The following MYO16 variants were observed in gnomAD, a reference collection of about 807,000 sequenced individuals.
MYO16 encodes the protein myosin XVI, also known as unconventional myosin-XVI.
Under a neutral mutation model 205.3 loss-of-function variants are expected in MYO16, and 94 were observed. That is an observed-to-expected ratio of 0.46 (90% CI 0.39 to 0.54). The LOEUF (loss-of-function observed/expected upper bound fraction) is 0.54, where lower values mean the gene tolerates loss of function less well. Ranked by LOEUF, MYO16 falls within the 20% of genes least tolerant of loss-of-function variation. MYO16 has a pLI of 0.00. For synonymous variants in MYO16, 988 were observed against 954.0 expected (o/e 1.04, Z -0.66); for missense variants, 2,315 against 2,387.5 (o/e 0.97, Z 0.63).
At position 109,048,251 on chromosome 13, in the gene MYO16, C is replaced by A. The variant is rs1594500743; in HGVS notation, c.2872+1260C>A. ...TAGTCTGCTTATCTTAATAGAGTCC[C>A]TGTATTTTAAAATCATTCTTTTATG... On this transcript the variant is annotated intron_variant, in intron 24 of 34. Transcript: ENST00000457511. 4 of 637,318 alleles carry A rather than the reference C, an allele frequency of 6.3e-6. No homozygotes were observed. In the East Asian group the frequency reaches 1.1e-4, roughly 18 times the overall value. The allele number at this position is 637,318 out of a possible 1,614,324, so 39.5% of individuals were successfully genotyped here.
chr13:109,047,904 T>C (rs1887098365), intron 24 of MYO16, among the ~76,000 whole-genome samples: 2 of 152,118 alleles, frequency 1.3e-5, no homozygotes, highest in African/African-American at 4.8e-5. Flanking sequence ...ATTATTCTGC[T>C]TGCTTCTCAG....
intron 28 of MYO16, among the ~76,000 whole-genome samples, chr13:109,106,740 G>C (rs1287914995): frequency 6.6e-6 from 1 of 152,178 alleles, no homozygotes; most frequent in Non-Finnish European, 1.5e-5. Flanking sequence ...TGGGAGAGTC[G>C]AGAGGGGCAC....
chr13:108,905,788 C>T (rs1269112030), intron 15 of MYO16, among the ~76,000 whole-genome samples: 1 of 150,914 alleles, frequency 6.6e-6, no homozygotes, highest in Non-Finnish European at 1.5e-5. Flanking sequence ...AAACTTTCCT[C>T]AAGAGCTTAC....
chr13:108,516,246 C>T, the MYO16 span, among the ~76,000 whole-genome samples: 99 of 151,592 alleles, frequency 6.5e-4, 1 homozygote, highest in Admixed American at 6.0e-3. Flanking sequence ...TTTCCAGGCG[C>T]GTCCGTCACC....
intron 14 of MYO16, among the ~76,000 whole-genome samples, chr13:108,890,352 A>G (rs577915684): frequency 6.6e-6 from 1 of 152,224 alleles, no homozygotes; most frequent in South Asian, 2.1e-4. Flanking sequence ...TCATCTTCTC[A>G]CATGGCATTA....
intron 15 of MYO16, among the ~76,000 whole-genome samples, chr13:108,909,216 G>A (rs9521093): frequency 0.54 from 81,982 of 151,606 alleles, 22,790 homozygotes; most frequent in East Asian, 0.71. Context: ...TCTTTTTGGC[G>A]TTGTTGATCA....
the MYO16 span, among the ~76,000 whole-genome samples, chr13:108,579,057 G>T: frequency 3.3e-5 from 5 of 152,096 alleles, no homozygotes; most frequent in Non-Finnish European, 5.9e-5. Flanking sequence ...TTTGAAAGGG[G>T]TTAATAATAT....
intron 11 of MYO16, among the ~76,000 whole-genome samples, chr13:108,864,396 T>C (rs1878602481): frequency 6.6e-6 from 1 of 152,200 alleles, no homozygotes; most frequent in African/African-American, 2.4e-5. Flanking sequence ...TGCAGATATA[T>C]TGTAAAATTT....
At chr13:108,549,553 G>A in the MYO16 span, among the ~76,000 whole-genome samples, 1 of 152,046 alleles carries the variant, frequency 6.6e-6, no homozygotes, top group African/African-American at 2.4e-5. Flanking sequence ...AACATAAATA[G>A]AGTAAGGAGT....
At chr13:108,760,087 C>T (rs1885555951) in intron 4 of MYO16, among the ~76,000 whole-genome samples, 1 of 152,126 alleles carries the variant, frequency 6.6e-6, no homozygotes, top group African/African-American at 2.4e-5. Flanking sequence ...TCTTTTCTAG[C>T]TATTTTGAAA....
At chr13:108,996,465 T>C (rs1054872544) in intron 21 of MYO16, among the ~76,000 whole-genome samples, 1 of 152,046 alleles carries the variant, frequency 6.6e-6, no homozygotes, top group African/African-American at 2.4e-5. Context: ...TTGATGAAAT[T>C]TTTAAAAATT....
At chr13:108,504,678 G>A in the MYO16 span, among the ~76,000 whole-genome samples, 3 of 151,906 alleles carry the variant, frequency 2.0e-5, no homozygotes, top group Non-Finnish European at 2.9e-5. Flanking sequence ...TGGGACTACC[G>A]GCACACACCA....
chr13:108,634,563 G>A (rs11069746), intron 1 of MYO16, among the ~76,000 whole-genome samples: 15,241 of 152,040 alleles, frequency 0.1, 1,481 homozygotes, highest in African/African-American at 0.25. Flanking sequence ...GCCCATGCCC[G>A]TGGCCTTCGA....
rs778149129 is a variant in MYO16, at chr13:108,964,775, C to T, written c.2242C>T (p.Arg748Ter). The change falls in exon 20 of 35, where the codon CGA becomes TGA. Residue 748 changes from arginine (R) to a stop codon, truncating the protein, a stop_gained. Transcript: ENST00000457511. LOFTEE classifies it high-confidence loss of function. ...TACCATTTTAGGGGATATGATAATA[C>T]GACGACATACCATACAGATTGCTGA... The part of the protein sequence containing the change: ...IQYFKGDMII[R>*]RHTIQIAEFF... The T allele has an allele frequency of 3.1e-6, 5 of 1,613,864 alleles. No individual in the cohort carries two copies. The highest frequency in any genetic ancestry group is 4.2e-6 in the Non-Finnish European group (5 of 1,179,952).
At chr13:109,034,263 T>TA (rs1886640755) in intron 23 of MYO16, among the ~76,000 whole-genome samples, 1 of 152,240 alleles carries the variant, frequency 6.6e-6, no homozygotes, top group Non-Finnish European at 1.5e-5. Flanking sequence ...ATGATATGCT[T>TA]AGGCTTTATG....
chr13:108,899,498 A>C (rs776150364), intron 15 of MYO16, among the ~76,000 whole-genome samples: 15 of 152,348 alleles, frequency 9.8e-5, no homozygotes, highest in Non-Finnish European at 1.6e-4. Flanking sequence ...AACTTATACA[A>C]AAGGAAAGCT....
intron 31 of MYO16, among the ~76,000 whole-genome samples, chr13:109,131,418 C>G (rs1876533459): frequency 6.6e-6 from 1 of 152,174 alleles, no homozygotes; most frequent in South Asian, 2.1e-4. Flanking sequence ...GAAAACAGTA[C>G]AGAGAGCAAT....
At chr13:108,675,061 G>A (rs1399784920) in intron 2 of MYO16, among the ~76,000 whole-genome samples, 1 of 152,202 alleles carries the variant, frequency 6.6e-6, no homozygotes, top group Non-Finnish European at 1.5e-5. Context: ...CTCTGAATGT[G>A]AAGCTGTGGA....
At chr13:109,185,028 C>T (rs7323646) in intron 34 of MYO16, among the ~76,000 whole-genome samples, 74,882 of 151,976 alleles carry the variant, frequency 0.49, 19,247 homozygotes, top group African/African-American at 0.61. Flanking sequence ...GCCCCCCTCC[C>T]TCCCAAAGTG....
Sources: allele counts gnomAD v4.1 joint callset (sites outside exome capture counted in the v4.1 genomes callset), GRCh38; gene constraint gnomAD v4.1.1; transcripts MANE v1.5; gene names NCBI Gene and HGNC (gene_info 2026-07-23, HGNC 2026-07-21).